The following SGCZ variants were observed in gnomAD, a reference collection of about 807,000 sequenced individuals.
The protein encoded by SGCZ is sarcoglycan zeta.
In SGCZ, 40 loss-of-function variants were observed where a neutral mutation model predicts 41.3. The ratio of observed to expected loss-of-function variants is 0.97; its 90% CI spans 0.75 to 1.26. The LOEUF (loss-of-function observed/expected upper bound fraction) is 1.26, where lower values mean the gene tolerates loss of function less well. SGCZ is among the 50% of genes most tolerant of loss of function. The probability of loss-of-function intolerance (pLI) is 0.00; values close to 1 mark genes in which losing one functional copy is unlikely to be tolerated. For missense variants in SGCZ, 552 were observed against 369.8 expected, an observed-to-expected ratio of 1.49 and a Z score of -4.04; for synonymous variants, 206 against 137.5, an observed-to-expected ratio of 1.50 and a Z score of -3.49.
At chr8:14,718,833 G>C (rs1453221127) in intron 1 of SGCZ, among the ~76,000 whole-genome samples, 1 of 147,140 alleles carries the variant, frequency 6.8e-6, no homozygotes, top group Admixed American at 6.8e-5. Flanking sequence ...CTTTTTTTTT[G>C]TTTAAGAATA....
Position 14,251,526 on chromosome 8 carries a change from G to C in SGCZ, c.337-13847C>G, listed in dbSNP as rs547474077. ...ACCAAAGTATTATATTTTAATAAGA[G>C]ACAGTCAGCTGCAAGCCATAGTTTG... is the stretch of plus-strand genomic sequence containing the variant. On this transcript the variant is annotated intron_variant, in intron 3 of 7. Transcript: ENST00000382080. Among the ~76,000 whole-genome samples the C allele has an allele frequency of 1.1e-4, 16 of 152,244 alleles. No individual in the cohort carries two copies. In the South Asian group the frequency reaches 2.1e-3, roughly 20 times the overall value.
intron 2 of SGCZ, among the ~76,000 whole-genome samples, chr8:14,447,639 T>C (rs1208052660): frequency 6.6e-6 from 1 of 152,184 alleles, no homozygotes; most frequent in African/African-American, 2.4e-5. Context: ...TCATTAATTA[T>C]TTACTTGCAT....
chr8:14,396,210 C>G (rs1798915505), intron 2 of SGCZ, among the ~76,000 whole-genome samples: 1 of 152,096 alleles, frequency 6.6e-6, no homozygotes, highest in African/African-American at 2.4e-5. Flanking sequence ...ATATCTGCTT[C>G]TTATTTTAGT....
chr8:14,301,015 G>A (rs1228279767), intron 3 of SGCZ, among the ~76,000 whole-genome samples: 2 of 151,796 alleles, frequency 1.3e-5, no homozygotes, highest in East Asian at 1.9e-4. Context: ...AGTAAGATTC[G>A]ACACCCCCAC....
rs755630433 is a variant in SGCZ, at chr8:14,730,688, C to T, written c.40-175762G>A. Reference sequence around the variant, plus strand: ...TTTTTCCAGATCTTTATTATGTCACCGGGGACTGGGGCCAACATGTTCACC... The same window carrying T: ...TTTTTCCAGATCTTTATTATGTCACTGGGGACTGGGGCCAACATGTTCACC... On this transcript the variant is annotated intron_variant, in intron 1 of 7. Coordinates refer to ENST00000382080, the MANE Select transcript of SGCZ (RefSeq NM_139167.4). 2.6e-4 allele frequency among the ~76,000 whole-genome samples: 40 copies of T among 151,662 alleles called. 1 individual carries two copies. The highest frequency in any genetic ancestry group is 4.4e-4 in the Non-Finnish European group (30 of 67,978).
intron 4 of SGCZ, among the ~76,000 whole-genome samples, chr8:14,176,225 A>T (rs1804537802): frequency 6.6e-6 from 1 of 152,196 alleles, no homozygotes; most frequent in Admixed American, 6.5e-5. Context: ...GCCATAAAGT[A>T]CTTCTTTTCA....
At chr8:14,325,590 T>C (rs916256560) in intron 2 of SGCZ, among the ~76,000 whole-genome samples, 8 of 147,168 alleles carry the variant, frequency 5.4e-5, no homozygotes, top group Admixed American at 4.8e-4. Context: ...TCATATATAA[T>C]CACATATAGT....
rs1015536078 is a variant in SGCZ at position 14,881,615 on chromosome 8, C to T, written c.40-326689G>A. Among the ~76,000 whole-genome samples the T allele has an allele frequency of 7.2e-5, 11 of 152,178 alleles. No homozygotes were observed. The East Asian group carries it at 1.9e-3, about 27-fold the overall frequency. ...GCCAAATGGCTGAAACTCTGTATCT[C>T]CCACACAATAATAGTGGGAGACTTT... On this transcript the variant is annotated intron_variant, in intron 1 of 7. Coordinates refer to ENST00000382080, the MANE Select transcript of SGCZ (RefSeq NM_139167.4).
At chr8:14,448,087 C>T (rs1352380955) in intron 2 of SGCZ, among the ~76,000 whole-genome samples, 5 of 151,944 alleles carry the variant, frequency 3.3e-5, no homozygotes, top group South Asian at 2.1e-4. Context: ...GAATTTTCAT[C>T]GAAATAGTAG....
At chr8:14,862,478 A>C (rs892814131) in intron 1 of SGCZ, among the ~76,000 whole-genome samples, 2 of 148,342 alleles carry the variant, frequency 1.3e-5, no homozygotes, top group African/African-American at 4.9e-5. Flanking sequence ...TAAGTATAAC[A>C]AGAAATGAGA....
intron 5 of SGCZ, among the ~76,000 whole-genome samples, chr8:14,118,014 T>C (rs1802577924): frequency 6.6e-6 from 1 of 151,918 alleles, no homozygotes; most frequent in African/African-American, 2.4e-5. Flanking sequence ...TCCAAGTCTT[T>C]GCTATTGTGA....
At chr8:14,643,743 C>G (rs1386160198) in intron 1 of SGCZ, among the ~76,000 whole-genome samples, 1 of 151,696 alleles carries the variant, frequency 6.6e-6, no homozygotes, top group African/African-American at 2.4e-5. Context: ...CCAGGCCTGT[C>G]TTGCATAATA....
chr8:14,464,729 C>A (rs984707945), intron 2 of SGCZ, among the ~76,000 whole-genome samples: 6 of 151,410 alleles, frequency 4.0e-5, no homozygotes, highest in Non-Finnish European at 7.4e-5. Context: ...ACATTTATAA[C>A]TATAAATACG....
At chr8:15,225,853 T>G (rs1585693738) in intron 1 of SGCZ, among the ~76,000 whole-genome samples, 1 of 152,230 alleles carries the variant, frequency 6.6e-6, no homozygotes, top group East Asian at 1.9e-4. Context: ...CTTTGCAAAT[T>G]ACATTTTCTT....
At chr8:14,427,848 C>T (rs985536155) in intron 2 of SGCZ, among the ~76,000 whole-genome samples, 1 of 152,002 alleles carries the variant, frequency 6.6e-6, no homozygotes, top group African/African-American at 2.4e-5. Flanking sequence ...TTCAACCAAT[C>T]ATGGATGAAA....
At chr8:14,859,957 C>G (rs1287005346) in intron 1 of SGCZ, among the ~76,000 whole-genome samples, 1 of 152,032 alleles carries the variant, frequency 6.6e-6, no homozygotes, top group Non-Finnish European at 1.5e-5. Flanking sequence ...TCTTGAATGA[C>G]TCTATAATTT....
chr8:15,176,697 C>T (rs1800009515), intron 1 of SGCZ, among the ~76,000 whole-genome samples: 1 of 152,086 alleles, frequency 6.6e-6, no homozygotes, highest in Admixed American at 6.5e-5. Flanking sequence ...ATAGTCAAAC[C>T]TTATCAAAAG....
At chr8:14,618,745 G>C (rs1205527420) in intron 1 of SGCZ, among the ~76,000 whole-genome samples, 1 of 152,108 alleles carries the variant, frequency 6.6e-6, no homozygotes, top group Admixed American at 6.6e-5. Context: ...TGCTCATGAA[G>C]GGTAATAGCC....
intron 2 of SGCZ, among the ~76,000 whole-genome samples, chr8:14,478,991 T>C (rs1410586678): frequency 2.0e-5 from 3 of 152,182 alleles, no homozygotes; most frequent in African/African-American, 7.2e-5. Flanking sequence ...CCCCTCTAAC[T>C]GTGACTAGGT....
Sources: allele counts gnomAD v4.1 joint callset (sites outside exome capture counted in the v4.1 genomes callset), GRCh38; gene constraint gnomAD v4.1.1; transcripts MANE v1.5; gene names NCBI Gene and HGNC (gene_info 2026-07-23, HGNC 2026-07-21).